Variants in ERG observed in about 807,000 individuals in gnomAD.
ERG encodes ETS transcription factor ERG, also known as transcriptional regulator ERG.
A neutral mutation model predicts 55.3 loss-of-function variants in ERG; 9 were observed. That is an observed-to-expected ratio of 0.16 (90% CI 0.10 to 0.28). ERG has a LOEUF of 0.28. ERG is among the 10% of genes least tolerant of loss of function. The pLI is 1.00. For synonymous variants in ERG, 223 were observed against 237.3 expected (o/e 0.94, Z 0.55); for missense variants, 434 against 631.6 (o/e 0.69, Z 3.35).
At chr21:38,507,099 C>A (rs1407124707) in intron 2 of ERG, among the ~76,000 whole-genome samples, 1 of 152,104 alleles carries the variant, frequency 6.6e-6, no homozygotes, top group Non-Finnish European at 1.5e-5. Flanking sequence ...CGACAAAAAG[C>A]GCCCCTGGGC....
chr21:38,391,624 C>T (rs771726613), intron 8 of ERG, 35 bp downstream of exon 8: 14 of 1,552,168 alleles, frequency 9.0e-6, no homozygotes, highest in Admixed American at 1.8e-5. Context: ...CCTGAATCTT[C>T]TCTTATGGTT....
At chr21:38,465,174 A>C (rs1232639701) in intron 1 of ERG, among the ~76,000 whole-genome samples, 1 of 152,102 alleles carries the variant, frequency 6.6e-6, no homozygotes, top group African/African-American at 2.4e-5. Flanking sequence ...TGTGTTTCTG[A>C]AGTGTTCTAT....
intron 3 of ERG, among the ~76,000 whole-genome samples, chr21:38,406,011 C>T (rs972139556): frequency 4.6e-5 from 7 of 151,790 alleles, no homozygotes; most frequent in African/African-American, 7.3e-5. Context: ...AAAAATTAGT[C>T]GGGCATGGTG....
intron 1 of ERG, among the ~76,000 whole-genome samples, chr21:38,484,898 C>A (rs2059269224): frequency 6.6e-6 from 1 of 151,906 alleles, no homozygotes; most frequent in Admixed American, 6.5e-5. Context: ...ACATACAATT[C>A]TGTACAGTAC....
At position 38,475,279 on chromosome 21, in the gene ERG, A is replaced by C. The variant is rs548869338; in HGVS notation, c.18+23084T>G. 2.0e-5 allele frequency among the ~76,000 whole-genome samples: 3 copies of C among 152,326 alleles called. No individual in the cohort carries two copies. The East Asian group carries it at 5.8e-4, about 29-fold the overall frequency. ...AAGGGAAGGGAAGCTAAATAATTTC[A>C]GTTTTTCTCTGTGCCTTTAATTCCT... On this transcript the variant is annotated intron_variant, in intron 1 of 9. Transcript: ENST00000288319.
intron 1 of ERG, among the ~76,000 whole-genome samples, chr21:38,646,802 GTTTT>G (rs2060459687): frequency 6.6e-6 from 1 of 152,004 alleles, no homozygotes; most frequent in Non-Finnish European, 1.5e-5. Context: ...GTTGTTGTTT[GTTTT>G]ATTACATTTC....
chr21:38,655,869 C>T (rs933611462), intron 1 of ERG, among the ~76,000 whole-genome samples: 1 of 152,206 alleles, frequency 6.6e-6, no homozygotes, highest in African/African-American at 2.4e-5. Flanking sequence ...GTACCCAGCT[C>T]TGCCCCCTCA....
At chr21:38,580,335 C>G (rs960926149) in intron 1 of ERG, among the ~76,000 whole-genome samples, 5 of 152,130 alleles carry the variant, frequency 3.3e-5, no homozygotes, top group African/African-American at 1.2e-4. Context: ...TTAAAGAGTA[C>G]TTCTAATTTA....
At chr21:38,401,602 C>T (rs1192983282) in intron 5 of ERG, among the ~76,000 whole-genome samples, 6 of 152,084 alleles carry the variant, frequency 3.9e-5, no homozygotes, top group Non-Finnish European at 5.9e-5. Flanking sequence ...GGGAAAATTG[C>T]GTATTTCTAT....
chr21:38,585,010 T>C (rs866699572), upstream of ERG: 17 of 152,224 alleles, frequency 1.1e-4, no homozygotes, highest in African/African-American at 3.4e-4. Context: ...AGGGATCAAC[T>C]GTACATGTAC....
chr21:38,569,175 C>G (rs74363184), intron 2 of ERG, among the ~76,000 whole-genome samples: 2,016 of 152,344 alleles, frequency 0.013, 42 homozygotes, highest in African/African-American at 0.046. Context: ...TCCCTCCCCC[C>G]CCACCCCCAG....
intron 2 of ERG, among the ~76,000 whole-genome samples, chr21:38,509,256 G>C (rs1364356665): frequency 1.3e-5 from 2 of 152,178 alleles, no homozygotes; most frequent in African/African-American, 2.4e-5. Context: ...AGAAACTTTT[G>C]CAACGTTGCT....
intron 1 of ERG, among the ~76,000 whole-genome samples, chr21:38,595,289 G>A (rs571721655): frequency 6.6e-6 from 1 of 152,204 alleles, no homozygotes; most frequent in South Asian, 2.1e-4. Context: ...GTTCCAGGAT[G>A]GCTGCCACGA....
At chr21:38,631,216 C>T (rs2060354508) in intron 1 of ERG, among the ~76,000 whole-genome samples, 1 of 152,180 alleles carries the variant, frequency 6.6e-6, no homozygotes, top group Non-Finnish European at 1.5e-5. Context: ...AAAGATTTGG[C>T]ACCTTCAGAA....
At chr21:38,659,088 T>C (rs1287556607) in intron 1 of ERG, among the ~76,000 whole-genome samples, 1 of 152,256 alleles carries the variant, frequency 6.6e-6, no homozygotes, top group Non-Finnish European at 1.5e-5. Flanking sequence ...TGGAATTATA[T>C]ATTCCTTAAC....
chr21:38,416,478 C>T (rs1211497626), intron 3 of ERG, among the ~76,000 whole-genome samples: 16 of 152,220 alleles, frequency 1.1e-4, no homozygotes, highest in Non-Finnish European at 1.5e-5. Context: ...TTAAGTACAG[C>T]ATCTTGGGCA....
At chr21:38,482,266 G>A (rs952199535) in intron 1 of ERG, among the ~76,000 whole-genome samples, 8 of 152,168 alleles carry the variant, frequency 5.3e-5, no homozygotes, top group African/African-American at 1.4e-4. Flanking sequence ...ACGACAAGGT[G>A]CCCAATATCA....
chr21:38,573,210 C>CA (rs1162137104), intron 2 of ERG, among the ~76,000 whole-genome samples: 1 of 152,182 alleles, frequency 6.6e-6, no homozygotes, highest in Admixed American at 6.5e-5. Context: ...CCCTTGAAAG[C>CA]GGGGTATTGT....
Position 38,508,015 on chromosome 21 carries a change from A to AAACACACATG in ERG, c.-41+67646_-41+67647insCATGTGTGTT, listed in dbSNP as rs1568866503. ...CACACACATGCACACACACAGAGAC[A>AAACACACATG]CACAAACACACATGCACACAAAGAC... On this transcript the variant is annotated intron_variant, in intron 2 of 8. Transcript: ENST00000398897. Among the ~76,000 whole-genome samples the AAACACACATG allele has an allele frequency of 4.3e-4, 33 of 77,218 alleles. 4 individuals carry two copies. The highest frequency in any genetic ancestry group is 9.7e-4 in the Admixed American group (6 of 6,186). The allele number at this position is 77,218 out of a possible 152,430, so 50.7% of individuals were successfully genotyped here.
Sources: gnomAD v4.1 joint callset for allele counts (sites outside exome capture counted in the v4.1 genomes callset) on GRCh38, gnomAD v4.1.1 for gene constraint, MANE v1.5 for transcripts, NCBI Gene and HGNC (gene_info 2026-07-23, HGNC 2026-07-21) for gene names.